The following MICALL2 variants were observed in gnomAD, a reference collection of about 807,000 sequenced individuals.
MICALL2 encodes the protein MICAL like 2, also known as MICAL-like protein 2.
MICALL2 carries 111 observed loss-of-function variants against 91.1 expected under a neutral mutation model. The ratio of observed to expected loss-of-function variants is 1.22; its 90% confidence interval spans 1.04 to 1.43. MICALL2 has a LOEUF of 1.43. Among genes scored for constraint, MICALL2 ranks in the 40% most tolerant of loss-of-function variants. The pLI, the probability that MICALL2 is intolerant of heterozygous loss-of-function variation, is 0.00. For synonymous variants in MICALL2, 694 were observed against 525.3 expected, an observed-to-expected ratio of 1.32 and a Z score of -4.39; for missense variants, 1,556 against 1,236.0, an observed-to-expected ratio of 1.26 and a Z score of -3.88.
Position 1,446,744 on chromosome 7 carries a change from C to A in MICALL2, c.610G>T (p.Asp204Tyr), listed in dbSNP as rs148203938. 175 of 1,606,510 alleles carry A rather than the reference C, an allele frequency of 1.1e-4. No homozygotes were observed. The highest frequency in any genetic ancestry group is 1.4e-4 in the Non-Finnish European group (159 of 1,177,668). Residue 204 changes from aspartate to tyrosine, a missense_variant, in exon 5 of 17, where the codon GAC becomes TAC. Physicochemically the swap from Asp to Tyr is radical, Grantham distance 160 (BLOSUM62 -3). Transcript: ENST00000297508. ...CAGCTCCGGTGGTAAAGCCTCCCGT[C>A]GGCCAGGTGCCGCTGTACCAGGTGC... ...HVHLVQRHLA[D>Y]GRLYHRSCFR... is the part of the protein sequence containing the mutation.
chr7:1,434,547 T>C lies in MICALL2; in HGVS notation c.*49A>G. 2.0e-6 allele frequency: 3 copies of C among 1,529,970 alleles called. No individual in the cohort carries two copies. The highest frequency in any genetic ancestry group is 2.7e-6 in the Non-Finnish European group (3 of 1,104,314). The allele number at this position is 1,529,970 out of a possible 1,614,324, so 94.8% of individuals were successfully genotyped here. A position where few individuals can be genotyped will look rare whatever the true frequency, so the allele number is the denominator to read the frequency against. ...TCCGGGCCAAGCCCATGGCCCCGAG[T>C]CCAAGTCCGGATGCCAGGTCCGGGC... On this transcript the variant is annotated 3_prime_UTR_variant, in exon 17 of 17. Transcript: ENST00000297508.
At position 1,459,430 on chromosome 7, in the gene MICALL2, A is replaced by G; in HGVS notation, c.-104T>C. 9.0e-7 allele frequency: 1 copy of G among 1,115,192 alleles called. No individual in the cohort carries two copies. Among genetic ancestry groups the G allele is most frequent in the Non-Finnish European group, 1.2e-6 (1 of 849,824 alleles). The allele number at this position is 1,115,192 out of a possible 1,614,324, so 69.1% of individuals were successfully genotyped here. On this transcript the variant is annotated 5_prime_UTR_variant, in exon 1 of 17. Transcript: ENST00000297508. ...GGACAGACGCTGGGACCGCTACGGA[A>G]CCGCCAGACCCACGGCGCCCAGCCC... is the stretch of plus-strand genomic sequence containing the variant.
intron 14 of MICALL2, chr7:1,437,316 T>A (rs988528155): frequency 2.0e-6 from 1 of 497,044 alleles, no homozygotes; most frequent in Non-Finnish European, 3.6e-6. Context: ...ATCCTCACTT[T>A]GCAGAGGATG....
At chr7:1,446,857 C>G in intron 4 of MICALL2, 29 bp from the exon 5 acceptor site, 1 of 1,469,612 alleles carries the variant, frequency 6.8e-7, no homozygotes, top group Non-Finnish European at 9.2e-7. Flanking sequence ...CCTCTCTGAG[C>G]AGCCGTCCAC....
At position 1,451,917 on chromosome 7, in the gene MICALL2, G is replaced by A. The variant is rs942366901; in HGVS notation, c.144-1629C>T. Among the ~76,000 whole-genome samples, 37 of 152,240 alleles carry A rather than the reference G, an allele frequency of 2.4e-4. 1 individual carries two copies. Among genetic ancestry groups the A allele is most frequent in the Non-Finnish European group, 5.9e-5 (4 of 68,042 alleles). ...AAGAATGCTCCGAGGCCCGGACAGT[G>A]AGCCCATTTCACCTGTTTCACAGAT... On this transcript the variant is annotated intron_variant, in intron 1 of 16. Transcript: ENST00000297508. This position sits in a 1 kb window ranked among gnomAD's most constrained non-coding sequence, Gnocchi z 4.5.
In MICALL2 at chr7:1,444,960, G is replaced by A. The variant is rs1319166771; in HGVS notation, c.1110C>T (p.Asp370=). The change falls in exon 6 of 17, where the codon GAC becomes GAT. Residue 370 remains aspartate, a synonymous_variant. Transcript: ENST00000297508. ...SHPAVPPSAP[D]PRPATPQGGG... ...CACCCTGGGGTGTGGCCGGGCGAGGGTCTGGGGCACTCGGGGGCACGGCGG... is the reference window on the plus strand; with the variant it reads ...CACCCTGGGGTGTGGCCGGGCGAGGATCTGGGGCACTCGGGGGCACGGCGG... The A allele has an allele frequency of 1.1e-5, 17 of 1,511,410 alleles. No individual in the cohort carries two copies. The highest frequency in any genetic ancestry group is 4.1e-5 in the African/African-American group (3 of 72,638). The allele number at this position is 1,511,410 out of a possible 1,614,324, so 93.6% of individuals were successfully genotyped here. A position where few individuals can be genotyped will look rare whatever the true frequency, so the allele number is the denominator to read the frequency against.
rs1273818213 is a variant in MICALL2 at position 1,436,862 on chromosome 7, G to A, written c.2477-6C>T. The stretch of plus-strand genomic sequence containing the variant: ...CTGCAGTGACTTCAGAGCCTCTGTG[G>A]GGATGGCTCGTCAGCAGGAGCCCCC... On this transcript the variant is annotated splice_region_variant and splice_polypyrimidine_tract_variant and intron_variant, in intron 14 of 16. Transcript: ENST00000297508. 6.4e-7 allele frequency: 1 copy of A among 1,569,128 alleles called. No homozygotes were observed. Among genetic ancestry groups the A allele is most frequent in the East Asian group, 2.4e-5 (1 of 42,058 alleles).
intron 1 of MICALL2, 88 bp from the exon 2 acceptor site, chr7:1,450,376 G>C: frequency 1.8e-6 from 2 of 1,093,690 alleles, no homozygotes; most frequent in African/African-American, 1.5e-5. Context: ...TGCCCAAACA[G>C]AGAAACCGAG....
chr7:1,444,643 C>G lies in MICALL2; in HGVS notation c.1418+9G>C. 6.2e-7 allele frequency: 1 copy of G among 1,605,902 alleles called. No homozygotes were observed. The highest frequency in any genetic ancestry group is 2.2e-5 in the East Asian group (1 of 44,746). ...CATACCCGGGGTCCCTCGGTCCCCA[C>G]GCGCTCACCTGCCAGGCGCCGGAGC... On this transcript the variant is annotated intron_variant, in intron 6 of 16. Coordinates refer to ENST00000297508, the MANE Select transcript of MICALL2 (RefSeq NM_182924.4).
chr7:1,447,754 C>A lies in MICALL2; in HGVS notation c.346G>T (p.Ala116Ser). Residue 116 changes from alanine to serine, a missense_variant, in exon 4 of 17, where the codon GCA becomes TCA. Physicochemically the swap from Ala to Ser is moderately conservative, Grantham distance 99. Transcript: ENST00000297508. ...FHGRSPIGGM[A>S]GVKRASEDSE... ...TCCTCCGAGGCCCTCTTCACGCCTG[C>A]CATGCCCCCAACTGGAGGAATCAAG... is the stretch of plus-strand genomic sequence containing the variant. 6.5e-7 allele frequency: 1 copy of A among 1,539,262 alleles called. No homozygotes were observed. Among genetic ancestry groups the A allele is most frequent in the Admixed American group, 2.0e-5 (1 of 51,116 alleles).
At position 1,447,683 on chromosome 7, in the gene MICALL2, G is replaced by A. The variant is rs1217783234; in HGVS notation, c.417C>T (p.Ala139=). The part of the protein sequence containing the change: ...PSGKKAPVQA[A]KLPSPAPARK... ...GGGCTGGGGCGGGCGAGGGCAGCTTGGCCGCCTGGACTGGAGCCTTCTTCC... is the reference window on the plus strand; with the variant it reads ...GGGCTGGGGCGGGCGAGGGCAGCTTAGCCGCCTGGACTGGAGCCTTCTTCC... The change falls in exon 4 of 17, where the codon GCC becomes GCT. Residue 139 remains alanine, a synonymous_variant. Coordinates refer to ENST00000297508, the MANE Select transcript of MICALL2 (RefSeq NM_182924.4). 1 of 1,583,196 alleles carries A rather than the reference G, an allele frequency of 6.3e-7. No homozygotes were observed. Among genetic ancestry groups the A allele is most frequent in the South Asian group, 1.2e-5 (1 of 86,642 alleles).
At position 1,451,219 on chromosome 7, in the gene MICALL2, G is replaced by C. The variant is rs1219896562; in HGVS notation, c.144-931C>G. On this transcript the variant is annotated intron_variant, in intron 1 of 16. Transcript: ENST00000297508. This position sits in a 1 kb window ranked among gnomAD's most constrained non-coding sequence, Gnocchi z 4.5. ...GGACAGCCCCACGTGACCTCCAGCT[G>C]GTCCTGGGACTCCTGATGGGCACCT... 6.6e-6 allele frequency among the ~76,000 whole-genome samples: 1 copy of C among 152,084 alleles called. No individual in the cohort carries two copies. The highest frequency in any genetic ancestry group is 2.4e-5 in the African/African-American group (1 of 41,410).
Position 1,438,683 on chromosome 7 carries a change from G to C in MICALL2, c.2122+157C>G, listed in dbSNP as rs200595315. 8.2e-6 allele frequency: 12 copies of C among 1,460,420 alleles called. No homozygotes were observed. In the Admixed American group the frequency reaches 2.8e-4, roughly 35 times the overall value. The allele number at this position is 1,460,420 out of a possible 1,614,324, so 90.5% of individuals were successfully genotyped here. A position where few individuals can be genotyped will look rare whatever the true frequency, so the allele number is the denominator to read the frequency against. ...AACAGCTAGGGTCTCTATTCATGAG[G>C]GCGGGCCTGGGGCACGGGGCTGGGT... On this transcript the variant is annotated intron_variant, in intron 10 of 16. Transcript: ENST00000297508.
rs755669289 is a variant in MICALL2, at chr7:1,438,912, G to A, written c.2050C>T (p.Pro684Ser). The stretch of plus-strand genomic sequence containing the variant: ...TGCACTCGGGCTTCCTGGCCAGGGG[G>A]CTCCGGCCGAAGCCAGTTGTCACAA... ...DVCDNWLRPE[P>S]PGQEARVQSW... The change falls in exon 10 of 17, where the codon CCC (proline) becomes TCC (serine). Residue 684 changes from proline to serine, a missense_variant. Pro to Ser is a moderately conservative substitution (Grantham distance 74). Transcript: ENST00000297508. The A allele has an allele frequency of 4.4e-6, 7 of 1,609,096 alleles. No homozygotes were observed. In the Admixed American group the frequency reaches 6.7e-5, roughly 15 times the overall value.
chr7:1,456,205 G>A (rs911446956), intron 1 of MICALL2, among the ~76,000 whole-genome samples: 1 of 152,260 alleles, frequency 6.6e-6, no homozygotes, highest in East Asian at 1.9e-4. Flanking sequence ...AGGATTACTT[G>A]AGGCCAGGAG....
intron 9 of MICALL2, 179 bp from the exon 10 acceptor site, chr7:1,439,174 A>G: frequency 1.7e-6 from 1 of 578,622 alleles, no homozygotes. Context: ...CAACCTGGCC[A>G]TGTCTCCCCA....
chr7:1,435,004 C>CCT, intron 16 of MICALL2, 97 bp downstream of exon 16: 4 of 676,890 alleles, frequency 5.9e-6, no homozygotes, highest in African/African-American at 1.9e-5. Context: ...CCACCCCCAG[C>CCT]TGGAGGCCCG....
At chr7:1,437,463 C>A in intron 14 of MICALL2, 72 bp downstream of exon 14, 1 of 1,362,750 alleles carries the variant, frequency 7.3e-7, no homozygotes. Flanking sequence ...CCTCACAGAG[C>A]CGGCCCCCAG....
At chr7:1,457,274 G>C (rs1781051703) in intron 1 of MICALL2, among the ~76,000 whole-genome samples, 1 of 152,202 alleles carries the variant, frequency 6.6e-6, no homozygotes, top group Non-Finnish European at 1.5e-5. Context: ...CAGGCACCAG[G>C]GGTGCAGCAG....
Sources: gnomAD v4.1 joint callset for allele counts (sites outside exome capture counted in the v4.1 genomes callset) on GRCh38, gnomAD v4.1.1 for gene constraint, Gnocchi (gnomAD v3.1) non-coding constraint, MANE v1.5 for transcripts, NCBI Gene and HGNC (gene_info 2026-07-23, HGNC 2026-07-21) for gene names.